The following IL7 variants were observed in gnomAD, a reference collection of about 807,000 sequenced individuals.
The protein encoded by IL7 is interleukin 7.
In IL7, 3 loss-of-function variants were observed where a neutral mutation model predicts 21.6. That is an observed-to-expected ratio of 0.14 (90% CI 0.06 to 0.36). The LOEUF is 0.36. Ranked by LOEUF, IL7 falls within the 10% of genes least tolerant of loss-of-function variation. IL7 has a pLI of 1.00. For missense variants in IL7, 175 were observed against 200.2 expected (o/e 0.87, Z 0.76); for synonymous variants, 62 against 68.1 (o/e 0.91, Z 0.44).
chr8:78,675,624 A>G (rs1318893826), downstream of IL7: 16 of 609,136 alleles, frequency 2.6e-5, no homozygotes, highest in East Asian at 1.5e-4. Context: ...ATAACTAAGT[A>G]TTATGCTCCT....
intron 2 of IL7, among the ~76,000 whole-genome samples, chr8:78,786,894 G>C (rs2130820547): frequency 6.6e-6 from 1 of 152,276 alleles, no homozygotes; most frequent in Admixed American, 6.5e-5. Context: ...CCATCCCCCA[G>C]CTTCTGGGGA....
At position 78,797,005 on chromosome 8, in the gene IL7, A is replaced by G. The variant is rs541687193; in HGVS notation, c.147+1067T>C. 5.3e-5 allele frequency among the ~76,000 whole-genome samples: 8 copies of G among 152,124 alleles called. 1 individual carries two copies. The East Asian group carries it at 1.5e-3, about 29-fold the overall frequency. ...CAAATATTGGAAGCAACTGTGACAC[A>G]TTTTTCAATCAGTGAAAAAATAAAC... is the stretch of plus-strand genomic sequence containing the variant. On this transcript the variant is annotated intron_variant, in intron 2 of 5. Transcript: ENST00000263851.
At chr8:78,730,844 G>T (rs1419133540), downstream of IL7, among the ~76,000 whole-genome samples, 2 of 151,922 alleles carry the variant, frequency 1.3e-5, no homozygotes, top group Non-Finnish European at 2.9e-5. Context: ...AATGAATGAT[G>T]CAGGCTTAAG....
At chr8:78,741,315 C>T (rs1811771568) in intron 2 of IL7, among the ~76,000 whole-genome samples, 1 of 152,146 alleles carries the variant, frequency 6.6e-6, no homozygotes. Context: ...GTACATATTC[C>T]TGAAAATTTA....
At chr8:78,718,087 TCTTA>T (rs1243410620) in intron 6 of IL7, 1 of 152,070 alleles carries the variant, frequency 6.6e-6, no homozygotes, top group South Asian at 2.1e-4. Flanking sequence ...AATTTAAACA[TCTTA>T]CTTGTTTTGT....
intron 3 of IL7, among the ~76,000 whole-genome samples, chr8:78,722,222 G>T (rs1218051874): frequency 6.6e-6 from 1 of 151,886 alleles, no homozygotes; most frequent in Non-Finnish European, 1.5e-5. Flanking sequence ...TATTTAATCT[G>T]AAACTGCCGC....
chr8:78,685,195 A>G (rs1002404773), intron 4 of IL7, among the ~76,000 whole-genome samples: 1 of 152,198 alleles, frequency 6.6e-6, no homozygotes, highest in Non-Finnish European at 1.5e-5. Context: ...TGTTATTTCA[A>G]TTCTGTTGTG....
chr8:78,749,937 A>T (rs1043564249), intron 2 of IL7, among the ~76,000 whole-genome samples: 2 of 152,060 alleles, frequency 1.3e-5, no homozygotes, highest in African/African-American at 4.8e-5. Context: ...CTCAGGTTGA[A>T]ATAGGAGCAT....
chr8:78,724,356 A>G (rs1009974634), intron 3 of IL7, among the ~76,000 whole-genome samples: 1 of 152,060 alleles, frequency 6.6e-6, no homozygotes, highest in African/African-American at 2.4e-5. Flanking sequence ...ACATTTCTGT[A>G]TATCTACATA....
At chr8:78,690,755 T>C (rs1032711882) in intron 3 of IL7, among the ~76,000 whole-genome samples, 3 of 152,182 alleles carry the variant, frequency 2.0e-5, no homozygotes, top group Admixed American at 2.0e-4. Context: ...TCTGATCATT[T>C]AGGTTTTATT....
At chr8:78,760,797 T>C in intron 2 of IL7, 3 of 1,531,964 alleles carry the variant, frequency 2.0e-6, no homozygotes, top group Non-Finnish European at 2.6e-6. Context: ...TCAAGTTTGG[T>C]TGCCAAATTT....
At chr8:78,761,021 A>G in intron 2 of IL7, 9 of 1,612,414 alleles carry the variant, frequency 5.6e-6, no homozygotes, top group Non-Finnish European at 7.6e-6. Context: ...ACTGCAGAGT[A>G]CAAATGCTCG....
At chr8:78,686,987 C>T (rs1180982754) in intron 3 of IL7, among the ~76,000 whole-genome samples, 2 of 152,060 alleles carry the variant, frequency 1.3e-5, no homozygotes, top group Non-Finnish European at 2.9e-5. Flanking sequence ...GGTATCTTCT[C>T]ATCTGAGATT....
rs534592967 is a variant in IL7 at position 78,800,224 on chromosome 8, A to G, written c.11-2016T>C. Among the ~76,000 whole-genome samples, 245 of 152,206 alleles carry G rather than the reference A, an allele frequency of 1.6e-3. 2 individuals are homozygous for G. Among genetic ancestry groups the G allele is most frequent in the African/African-American group, 5.5e-3 (227 of 41,550 alleles). ...TAGATAATGGCCTCAAGTTTCATCC[A>G]TTTTGCTGCAAAAGACGACTTAACT... On this transcript the variant is annotated intron_variant, in intron 1 of 5. Coordinates refer to ENST00000263851, the MANE Select transcript of IL7 (RefSeq NM_000880.4).
chr8:78,721,394 C>T (rs896886007), exon 4 of IL7: 4 of 151,962 alleles, frequency 2.6e-5, no homozygotes, highest in African/African-American at 4.8e-5. Flanking sequence ...ATGTGTGTGT[C>T]GTCCGTTTGA....
chr8:78,740,129 C>A, intron 2 of IL7, 47 bp from the exon 3 acceptor site: 1 of 1,070,708 alleles, frequency 9.3e-7, no homozygotes, highest in South Asian at 2.5e-5. Context: ...GAGTACTTTT[C>A]TAATATCTTG....
chr8:78,685,149 G>T (rs1390616590), intron 4 of IL7, among the ~76,000 whole-genome samples: 1 of 152,032 alleles, frequency 6.6e-6, no homozygotes, highest in African/African-American at 2.4e-5. Context: ...TCAGAAATAG[G>T]CCCAAATTCA....
At chr8:78,727,132 C>T (rs556093037) in intron 3 of IL7, among the ~76,000 whole-genome samples, 1 of 152,092 alleles carries the variant, frequency 6.6e-6, no homozygotes, top group African/African-American at 2.4e-5. Flanking sequence ...GTCTTCTTCA[C>T]TGTGGTGTAT....
intron 4 of IL7, among the ~76,000 whole-genome samples, chr8:78,681,289 C>T (rs758721168): frequency 4.6e-5 from 7 of 151,220 alleles, no homozygotes; most frequent in South Asian, 2.1e-4. Context: ...ATAATAGAAG[C>T]GATGAATAAT....
Sources: gnomAD v4.1 joint callset for allele counts (sites outside exome capture counted in the v4.1 genomes callset) on GRCh38, gnomAD v4.1.1 for gene constraint, MANE v1.5 for transcripts, NCBI Gene and HGNC (gene_info 2026-07-23, HGNC 2026-07-21) for gene names.